Variants in ADAM2 observed in about 807,000 individuals in gnomAD.
ADAM2 encodes ADAM metallopeptidase domain 2.
ADAM2 carries 101 observed loss-of-function variants against 99.3 expected under a neutral mutation model. That is an observed-to-expected ratio of 1.02 (90% CI 0.87 to 1.20). The LOEUF (loss-of-function observed/expected upper bound fraction) is 1.20. Ranked by LOEUF, ADAM2 falls within the 50% of genes most tolerant of loss-of-function variation. The pLI is 0.00. For synonymous variants in ADAM2, 323 were observed against 287.6 expected, an observed-to-expected ratio of 1.12 and a Z score of -1.25; for missense variants, 948 against 878.7, an observed-to-expected ratio of 1.08 and a Z score of -1.00.
intron 11 of ADAM2, among the ~76,000 whole-genome samples, chr8:39,770,448 A>G (rs1467429584): frequency 4.6e-5 from 7 of 152,140 alleles, no homozygotes; most frequent in Admixed American, 2.0e-4. Context: ...TAAATTCCCA[A>G]CACTCTTGAT....
chr8:39,833,505 C>A (rs1563388356), intron 3 of ADAM2, among the ~76,000 whole-genome samples: 1 of 151,994 alleles, frequency 6.6e-6, no homozygotes, highest in Non-Finnish European at 1.5e-5. Flanking sequence ...TGGCTAATTA[C>A]AAATTTTATT....
intron 18 of ADAM2, 104 bp from the exon 19 acceptor site, chr8:39,746,735 T>C: frequency 1.1e-6 from 1 of 887,160 alleles, no homozygotes. Flanking sequence ...TTGAACAATT[T>C]AATAATTTAA....
At chr8:39,777,773 A>G (rs1012146575) in intron 10 of ADAM2, among the ~76,000 whole-genome samples, 1 of 151,902 alleles carries the variant, frequency 6.6e-6, no homozygotes, top group Non-Finnish European at 1.5e-5. Context: ...GTATGCCTGT[A>G]CCAAAACATC....
At chr8:39,792,601 T>A (rs1410617284) in intron 7 of ADAM2, among the ~76,000 whole-genome samples, 1 of 151,990 alleles carries the variant, frequency 6.6e-6, no homozygotes, top group Non-Finnish European at 1.5e-5. Flanking sequence ...CAGATGTGCT[T>A]CTTTAACCAC....
chr8:39,808,993 A>G (rs1804577456), intron 7 of ADAM2, among the ~76,000 whole-genome samples: 1 of 152,224 alleles, frequency 6.6e-6, no homozygotes, highest in Non-Finnish European at 1.5e-5. Flanking sequence ...AATATTTATC[A>G]TTAAAATACT....
At chr8:39,800,908 C>A (rs190350942) in intron 7 of ADAM2, among the ~76,000 whole-genome samples, 2 of 152,224 alleles carry the variant, frequency 1.3e-5, no homozygotes, top group East Asian at 1.9e-4. Flanking sequence ...ACTGGTTATT[C>A]TAGTTAGCAA....
At chr8:39,825,120 C>T (rs1000556765) in intron 3 of ADAM2, among the ~76,000 whole-genome samples, 3 of 152,298 alleles carry the variant, frequency 2.0e-5, no homozygotes, top group Non-Finnish European at 4.4e-5. Context: ...ACACAACAGG[C>T]AAGCTTGGAC....
chr8:39,803,411 A>T (rs1368234050), intron 7 of ADAM2, among the ~76,000 whole-genome samples: 2 of 152,206 alleles, frequency 1.3e-5, no homozygotes, highest in Non-Finnish European at 2.9e-5. Flanking sequence ...GGATTCTCGC[A>T]ACCAATCCCA....
chr8:39,775,076 C>T (rs181088126), intron 11 of ADAM2, among the ~76,000 whole-genome samples: 1 of 152,062 alleles, frequency 6.6e-6, no homozygotes, highest in Non-Finnish European at 1.5e-5. Context: ...GCGGGGCCCA[C>T]AGGAAAATGT....
At chr8:39,747,151 C>T (rs1305183261) in intron 18 of ADAM2, among the ~76,000 whole-genome samples, 5 of 152,090 alleles carry the variant, frequency 3.3e-5, no homozygotes, top group South Asian at 4.1e-4. Flanking sequence ...TTTGTTTATG[C>T]CCTTTGGTTT....
chr8:39,747,090 G>A (rs1823500757), intron 18 of ADAM2, among the ~76,000 whole-genome samples: 1 of 152,034 alleles, frequency 6.6e-6, no homozygotes, highest in East Asian at 1.9e-4. Flanking sequence ...TTTGTTGGTG[G>A]TGACCTAAAA....
At chr8:39,765,471 A>G (rs563617949) in intron 14 of ADAM2, among the ~76,000 whole-genome samples, 4 of 152,240 alleles carry the variant, frequency 2.6e-5, no homozygotes, top group Non-Finnish European at 4.4e-5. Context: ...ATATGCCAAC[A>G]AATTTGATAA....
chr8:39,798,960 C>T (rs1046962814), intron 7 of ADAM2, among the ~76,000 whole-genome samples: 6 of 151,402 alleles, frequency 4.0e-5, no homozygotes, highest in Non-Finnish European at 5.9e-5. Flanking sequence ...TGCAGTCTGT[C>T]TATTTTGTTA....
chr8:39,810,082 T>C (rs576661603), intron 6 of ADAM2, among the ~76,000 whole-genome samples: 16 of 151,942 alleles, frequency 1.1e-4, no homozygotes, highest in Admixed American at 7.9e-4. Context: ...TAAAGGGATG[T>C]AGGAAGACCT....
At position 39,746,094 on chromosome 8, in the gene ADAM2, C is replaced by T. The variant is rs184456190; in HGVS notation, c.2174+378G>A. Among the ~76,000 whole-genome samples the T allele has an allele frequency of 4.6e-4, 70 of 152,172 alleles. 2 individuals carry two copies. Among genetic ancestry groups the T allele is most frequent in the East Asian group, 2.9e-3 (15 of 5,170 alleles). ...AGGCTAGAGTGCAGTGGCACAATCT[C>T]GGCTCACTGCAGCCTCTGCCTCCCA... On this transcript the variant is annotated intron_variant, in intron 19 of 20. Coordinates refer to ENST00000265708, the MANE Select transcript of ADAM2 (RefSeq NM_001464.5).
At chr8:39,771,906 T>C (rs1254769386) in intron 11 of ADAM2, among the ~76,000 whole-genome samples, 1 of 151,996 alleles carries the variant, frequency 6.6e-6, no homozygotes, top group Non-Finnish European at 1.5e-5. Context: ...ATACACTTTC[T>C]GGTAATGAAA....
chr8:39,744,648 A>G (rs1823373579), intron 20 of ADAM2, among the ~76,000 whole-genome samples, 182 bp downstream of exon 20: 1 of 152,082 alleles, frequency 6.6e-6, no homozygotes, highest in African/African-American at 2.4e-5. Flanking sequence ...TTGGGAGGCA[A>G]GGGGAGGAAG....
intron 12 of ADAM2, 58 bp from the exon 13 acceptor site, chr8:39,767,309 G>A (rs936840561): frequency 1.4e-6 from 2 of 1,395,386 alleles, no homozygotes; most frequent in African/African-American, 1.4e-5. Flanking sequence ...TATTGGACAG[G>A]CATGTTCATA....
chr8:39,745,584 G>A (rs1823409417), intron 19 of ADAM2, among the ~76,000 whole-genome samples: 1 of 151,884 alleles, frequency 6.6e-6, no homozygotes, highest in Non-Finnish European at 1.5e-5. Flanking sequence ...TTTAATAGAA[G>A]TTATTTGTTT....
Sources: gnomAD v4.1 joint callset for allele counts (sites outside exome capture counted in the v4.1 genomes callset) on GRCh38, gnomAD v4.1.1 for gene constraint, MANE v1.5 for transcripts, NCBI Gene and HGNC (gene_info 2026-07-23, HGNC 2026-07-21) for gene names.